The following PLEC variants were observed in gnomAD, a reference collection of about 807,000 sequenced individuals.
The protein encoded by PLEC is hemidesmosomal protein 1.
PLEC carries 216 observed loss-of-function variants against 392.8 expected under a neutral mutation model. That is an observed-to-expected ratio of 0.55 (90% CI 0.49 to 0.62). The LOEUF (loss-of-function observed/expected upper bound fraction) is 0.62, where lower values mean the gene tolerates loss of function less well. Ranked by LOEUF, PLEC falls within the 20% of genes least tolerant of loss-of-function variation. PLEC has a pLI of 0.00. For synonymous variants in PLEC, 3,621 were observed against 2,980.6 expected, an observed-to-expected ratio of 1.21 and a Z score of -7.00; for missense variants, 6,863 against 6,563.4, an observed-to-expected ratio of 1.05 and a Z score of -1.58.
intron 1 of PLEC, among the ~76,000 whole-genome samples, chr8:143,968,756 C>T (rs567173401): frequency 3.8e-4 from 58 of 152,256 alleles, no homozygotes; most frequent in Non-Finnish European, 7.2e-4. Context: ...AAGTGTTCAA[C>T]GTCATTAGCC....
intron 3 of PLEC, chr8:143,937,580 C>A: frequency 2.0e-6 from 1 of 497,450 alleles, no homozygotes; most frequent in Non-Finnish European, 3.8e-6. Context: ...ACCGGTGGGT[C>A]CCAGGCCAGC....
rs1255762141 is a variant in PLEC at position 143,924,513 on chromosome 8, G to A, written c.5416C>T (p.Leu1806=). ...FRELAEEAAR[L]RALAEEAKRQ... is the part of the protein sequence containing the mutation. ...TTGGCCTCTTCCGCCAGGGCACGCA[G>A]GCGGGCGGCCTCCTCGGCCAGCTCG... Residue 1806 remains leucine (L), a synonymous_variant, in exon 31 of 32, where the codon CTG becomes TTG. Transcript: ENST00000345136. 1 of 1,540,326 alleles carries A rather than the reference G, an allele frequency of 6.5e-7. No individual in the cohort carries two copies. The highest frequency in any genetic ancestry group is 1.4e-5 in the African/African-American group (1 of 72,292).
rs782423946 is a variant in PLEC, at chr8:143,927,351, G to C, written c.3757-16C>G. On this transcript the variant is annotated splice_polypyrimidine_tract_variant and intron_variant, in intron 27 of 31. Coordinates refer to ENST00000345136, the MANE Select transcript of PLEC (RefSeq NM_201384.3). ...CCAGCAGGGCCTGGGTGATGGTGTGGTCAGAGCCGTGGCCGCAGGGCACGC... is the reference window on the plus strand; with the variant it reads ...CCAGCAGGGCCTGGGTGATGGTGTGCTCAGAGCCGTGGCCGCAGGGCACGC... 1.2e-6 allele frequency: 2 copies of C among 1,612,248 alleles called. No individual in the cohort carries two copies.
rs371090816 is a variant in PLEC at position 143,921,971 on chromosome 8, G to A, written c.7850C>T (p.Ala2617Val). Reference protein sequence around the residue: ...AALAHSEEVTASQVAATKTLP... With the variant: ...AALAHSEEVTVSQVAATKTLP... Reference sequence around the variant, plus strand: ...GGTCTTTGTGGCAGCCACCTGCGAGGCAGTGACCTCCTCTGAGTGCGCCAG... The same window carrying A: ...GGTCTTTGTGGCAGCCACCTGCGAGACAGTGACCTCCTCTGAGTGCGCCAG... The change falls in exon 32 of 32, where the codon GCC becomes GTC. Residue 2617 changes from alanine to valine, a missense_variant. Physicochemically the swap from Ala to Val is moderately conservative, Grantham distance 64. Transcript: ENST00000345136. 5.0e-6 allele frequency: 8 copies of A among 1,598,718 alleles called. No individual in the cohort carries two copies. Among genetic ancestry groups the A allele is most frequent in the East Asian group, 2.2e-5 (1 of 44,888 alleles).
In PLEC at chr8:143,920,614, G is replaced by C. The variant is rs1360155239; in HGVS notation, c.9207C>G (p.Asp3069Glu). 1.2e-6 allele frequency: 2 copies of C among 1,608,130 alleles called. No homozygotes were observed. The highest frequency in any genetic ancestry group is 2.7e-5 in the African/African-American group (2 of 74,940). The change falls in exon 32 of 32, where the codon GAC becomes GAG. Residue 3069 changes from aspartate (D) to glutamate (E), a missense_variant. Transcript: ENST00000345136. ...EAQAGTGHII[D>E]PATSARLTVD... ...CGGTCAGCCGGGCGCTGGTGGCGGG[G>C]TCGATGATGTGCCCGGTGCCGGCCT...
intron 1 of PLEC, among the ~76,000 whole-genome samples, chr8:143,961,024 G>A (rs1385181761): frequency 6.6e-6 from 1 of 152,198 alleles, no homozygotes; most frequent in African/African-American, 2.4e-5. Context: ...GCCTCTGAGC[G>A]CACTCAGGCC....
chr8:143,929,656 G>A lies in PLEC; in HGVS notation c.2913C>T (p.Ser971=), dbSNP rs1554711486. 2.5e-6 allele frequency: 4 copies of A among 1,604,156 alleles called. No individual in the cohort carries two copies. In the East Asian group the frequency reaches 6.7e-5, roughly 27 times the overall value. The change falls in exon 23 of 32, where the codon AGC becomes AGT. Residue 971 remains serine, a synonymous_variant. Coordinates refer to ENST00000345136, the MANE Select transcript of PLEC (RefSeq NM_201384.3). The part of the protein sequence containing the change: ...CSHHYQQLLQ[S]LEQGAQEESR... ...CCTGCCGTGCCCTACCCTGTTCCAG[G>A]CTCTGCAGCAGCTGCTGGTAGTGGT...
chr8:143,949,885 G>A (rs1365212509), intron 1 of PLEC, among the ~76,000 whole-genome samples: 3 of 152,160 alleles, frequency 2.0e-5, no homozygotes, highest in Admixed American at 6.5e-5. Context: ...GAGGCGGAGG[G>A]GGCGAAGGCA....
Position 143,918,085 on chromosome 8 carries a change from C to G in PLEC, c.11736G>C (p.Arg3912=), listed in dbSNP as rs542195321. The stretch of plus-strand genomic sequence containing the variant: ...CCTCCTCGATGGAGGTCAGGCCCTC[C>G]CGCAGCTGCAGCGCCGTGGCCTCGT... ...VMDEATALQL[R]EGLTSIEEVT... The change falls in exon 32 of 32, where the codon CGG becomes CGC. Residue 3912 remains arginine, a synonymous_variant. Coordinates refer to ENST00000345136, the MANE Select transcript of PLEC (RefSeq NM_201384.3). 1 of 1,597,080 alleles carries G rather than the reference C, an allele frequency of 6.3e-7. No individual in the cohort carries two copies. Among genetic ancestry groups the G allele is most frequent in the Non-Finnish European group, 8.5e-7 (1 of 1,174,768 alleles).
At chr8:143,965,367 T>A (rs1457260716) in intron 1 of PLEC, among the ~76,000 whole-genome samples, 3 of 151,496 alleles carry the variant, frequency 2.0e-5, no homozygotes, top group Non-Finnish European at 2.9e-5. Context: ...TCCTACAGGA[T>A]CCTGTCTTCC....
chr8:143,928,064 C>A, intron 25 of PLEC, 72 bp from the exon 26 acceptor site: 2 of 1,512,534 alleles, frequency 1.3e-6, no homozygotes, highest in Non-Finnish European at 8.8e-7. Context: ...GAACCCAAGC[C>A]ACAGCGACCC....
intron 1 of PLEC, among the ~76,000 whole-genome samples, chr8:143,960,313 C>A (rs1247538906): frequency 6.6e-6 from 1 of 150,896 alleles, no homozygotes; most frequent in Non-Finnish European, 1.5e-5. Context: ...ATAAAATAAA[C>A]AATAAAATAA....
upstream of PLEC, chr8:143,975,324 A>C: frequency 1.2e-6 from 2 of 1,611,540 alleles, no homozygotes; most frequent in Non-Finnish European, 1.7e-6. The surrounding 1 kb of genome is among the most constrained non-coding windows in gnomAD (Gnocchi z 9.9). Flanking sequence ...CTTCCATTGG[A>C]GACATCTTCA....
rs994093885 is a variant in PLEC, at chr8:143,919,830, G to A, written c.9991C>T (p.Leu3331Phe). Residue 3331 changes from leucine (L) to phenylalanine (F), a missense_variant, in exon 32 of 32, where the codon CTC (leucine) becomes TTC (phenylalanine). Transcript: ENST00000345136. The part of the protein sequence containing the change: ...GVLSRAQFEQ[L>F]KDGKTTVKDL... ...TTGACCGTCGTCTTGCCGTCCTTGA[G>A]CTGCTCAAACTGGGCTCTGCTGAGG... is the stretch of plus-strand genomic sequence containing the variant. 3 of 1,613,032 alleles carry A rather than the reference G, an allele frequency of 1.9e-6. No homozygotes were observed. Among genetic ancestry groups the A allele is most frequent in the Non-Finnish European group, 1.7e-6 (2 of 1,180,056 alleles).
At chr8:143,956,830 A>G (rs894615729), upstream of PLEC, among the ~76,000 whole-genome samples, 1 of 152,230 alleles carries the variant, frequency 6.6e-6, no homozygotes. Flanking sequence ...CGGTGGCCAC[A>G]TGGTGCAGCC....
At position 143,927,567 on chromosome 8, in the gene PLEC, C is replaced by T. The variant is rs533718480; in HGVS notation, c.3599G>A (p.Arg1200His). The T allele has an allele frequency of 1.3e-5, 21 of 1,591,556 alleles. No individual in the cohort carries two copies. Among genetic ancestry groups the T allele is most frequent in the East Asian group, 4.5e-5 (2 of 44,230 alleles). The change falls in exon 27 of 32, where the codon CGC becomes CAC. Residue 1200 changes from arginine (R) to histidine (H), a missense_variant. Transcript: ENST00000345136. ...AVLAQTDVRQ[R>H]ELEQLGRQLR... is the part of the protein sequence containing the mutation. ...CTGGCGGCCCAGTTGCTCGAGCTCG[C>T]GCTGCCGCACGTCGGTCTGGGCCAG...
chr8:143,973,259 G>C lies in PLEC; in HGVS notation c.70+144C>G. On this transcript the variant is annotated intron_variant, in intron 1 of 31. Coordinates refer to the PLEC transcript ENST00000356346. The surrounding 1 kb of genome is among the most constrained non-coding windows in gnomAD (Gnocchi z 5.6). Reference sequence around the variant, plus strand: ...TCCTCCCCTTCCCTAGGCACTGGCAGCCGTTGGGGGCGATCCAGGCGGACG... The same window carrying C: ...TCCTCCCCTTCCCTAGGCACTGGCACCCGTTGGGGGCGATCCAGGCGGACG... 2 of 938,848 alleles carry C rather than the reference G, an allele frequency of 2.1e-6. No individual in the cohort carries two copies. Among genetic ancestry groups the C allele is most frequent in the Non-Finnish European group, 3.0e-6 (2 of 657,616 alleles). The allele number at this position is 938,848 out of a possible 1,614,324, so 58.2% of individuals were successfully genotyped here. A position where few individuals can be genotyped will look rare whatever the true frequency, so the allele number is the denominator to read the frequency against.
chr8:143,927,554 T>C lies in PLEC; in HGVS notation c.3612A>G (p.Gln1204=). 1 of 1,594,858 alleles carries C rather than the reference T, an allele frequency of 6.3e-7. No individual in the cohort carries two copies. The highest frequency in any genetic ancestry group is 8.5e-7 in the Non-Finnish European group (1 of 1,178,054). The part of the protein sequence containing the change: ...QTDVRQRELE[Q]LGRQLRYYRE... Reference sequence around the variant, plus strand: ...GGTAGTAACGCAGCTGGCGGCCCAGTTGCTCGAGCTCGCGCTGCCGCACGT... The same window carrying C: ...GGTAGTAACGCAGCTGGCGGCCCAGCTGCTCGAGCTCGCGCTGCCGCACGT... Residue 1204 remains glutamine (Q), a synonymous_variant, in exon 27 of 32, where the codon CAA becomes CAG. Transcript: ENST00000345136.
upstream of PLEC, chr8:143,942,251 G>A (rs1261867608): frequency 5.5e-6 from 5 of 916,384 alleles, no homozygotes; most frequent in East Asian, 3.1e-5. Context: ...AGGTGTTTCC[G>A]GAGCTCGGGG....
Sources: gnomAD v4.1 joint callset for allele counts (sites outside exome capture counted in the v4.1 genomes callset) on GRCh38, gnomAD v4.1.1 for gene constraint, Gnocchi (gnomAD v3.1) non-coding constraint, MANE v1.5 for transcripts, NCBI Gene and HGNC (gene_info 2026-07-23, HGNC 2026-07-21) for gene names.